SLC16A7: variants seen among roughly 807,000 people sequenced by gnomAD.
The protein encoded by SLC16A7 is solute carrier family 16 member 7.
A neutral mutation model predicts 34.9 loss-of-function variants in SLC16A7; 33 were observed. The observed-to-expected ratio is 0.94, with a 90% CI of 0.72 to 1.26. The LOEUF is 1.26. SLC16A7 is among the 50% of genes most tolerant of loss of function. The pLI, the probability that SLC16A7 is intolerant of heterozygous loss-of-function variation, is 0.00. For missense variants in SLC16A7, 573 were observed against 578.1 expected, an observed-to-expected ratio of 0.99 and a Z score of 0.09; for synonymous variants, 201 against 206.6, an observed-to-expected ratio of 0.97 and a Z score of 0.23.
intron 4 of SLC16A7, among the ~76,000 whole-genome samples, chr12:59,773,604 C>T (rs1053408818): frequency 2.7e-5 from 4 of 149,928 alleles, no homozygotes; most frequent in East Asian, 3.9e-4. Flanking sequence ...CTTGCTCTGT[C>T]GCCAGGCTGG....
intron 3 of SLC16A7, among the ~76,000 whole-genome samples, chr12:59,735,140 C>G (rs1422159213): frequency 6.6e-6 from 1 of 152,164 alleles, no homozygotes; most frequent in Non-Finnish European, 1.5e-5. Context: ...TACACCACTA[C>G]TAGGTTCCTA....
intron 1 of SLC16A7, among the ~76,000 whole-genome samples, chr12:59,634,081 C>G (rs1396310543): frequency 6.6e-6 from 1 of 152,046 alleles, no homozygotes; most frequent in East Asian, 1.9e-4. Flanking sequence ...CAGCCGGGTT[C>G]ATTATCTTGT....
intron 2 of SLC16A7, among the ~76,000 whole-genome samples, chr12:59,687,568 T>C (rs1203208288): frequency 6.6e-6 from 1 of 152,168 alleles, no homozygotes; most frequent in Non-Finnish European, 1.5e-5. Context: ...TTTTGTTTTA[T>C]GCACCCTAGC....
At chr12:59,756,439 G>A (rs1455789290) in intron 3 of SLC16A7, among the ~76,000 whole-genome samples, 2 of 151,682 alleles carry the variant, frequency 1.3e-5, no homozygotes, top group East Asian at 1.9e-4. Context: ...ATCAAAAAGT[G>A]GACGAAGGAC....
chr12:59,758,631 C>G (rs1880673044), intron 3 of SLC16A7, among the ~76,000 whole-genome samples: 1 of 151,824 alleles, frequency 6.6e-6, no homozygotes, highest in African/African-American at 2.4e-5. Flanking sequence ...TAATGATTAC[C>G]AGTTTATATG....
Position 59,702,264 on chromosome 12 carries a change from A to G in SLC16A7, c.-30-2508A>G, listed in dbSNP as rs980127177. On this transcript the variant is annotated intron_variant, in intron 2 of 5. Transcript: ENST00000547379. ...CCTTAAATATTATACATCTTCAAAG[A>G]TACTATTTCCAATGCACATGTGCTG... Among the ~76,000 whole-genome samples the G allele has an allele frequency of 3.3e-5, 5 of 152,082 alleles. No homozygotes were observed. The East Asian group carries it at 9.6e-4, about 29-fold the overall frequency.
intron 3 of SLC16A7, among the ~76,000 whole-genome samples, chr12:59,732,473 C>T (rs1020487920): frequency 6.6e-6 from 1 of 152,090 alleles, no homozygotes; most frequent in African/African-American, 2.4e-5. Context: ...CATAATGGCT[C>T]CTGAATCTTT....
chr12:59,598,683 T>C (rs1459990343), intron 1 of SLC16A7, among the ~76,000 whole-genome samples: 1 of 152,194 alleles, frequency 6.6e-6, no homozygotes. Flanking sequence ...TAATGAAGGA[T>C]TTTTCTTCAT....
In SLC16A7 at chr12:59,704,859, TG is replaced by T. The variant is rs1251182278; in HGVS notation, c.60del (p.Trp20Ter). The T allele has an allele frequency of 6.2e-7, 1 of 1,613,930 alleles. No individual in the cohort carries two copies. Among genetic ancestry groups the T allele is most frequent in the East Asian group, 2.2e-5 (1 of 44,862 alleles). On this transcript the variant is annotated frameshift_variant, in exon 3 of 6. Coordinates refer to ENST00000547379, the MANE Select transcript of SLC16A7 (RefSeq NM_001270623.2). LOFTEE classifies it high-confidence loss of function. ...VHPPPDGGWG[W>X]IVVGAAFISI... is the part of the protein sequence containing the mutation. ...TCCACCTCCAGATGGAGGATGGGGT[TG>T]GATTGTGGTTGGAGCAGCTTTTATC...
intron 2 of SLC16A7, among the ~76,000 whole-genome samples, chr12:59,673,443 C>T (rs1210976905): frequency 6.6e-6 from 1 of 150,922 alleles, no homozygotes; most frequent in African/African-American, 2.4e-5. Context: ...AGGTAGGACC[C>T]TGTGTTACTT....
At chr12:59,603,381 A>G (rs564326868) in intron 1 of SLC16A7, among the ~76,000 whole-genome samples, 2 of 152,296 alleles carry the variant, frequency 1.3e-5, no homozygotes, top group South Asian at 2.1e-4. Context: ...CACTACCATC[A>G]TACTCAACTC....
chr12:59,761,215 G>C, intron 3 of SLC16A7: 1 of 1,122,410 alleles, frequency 8.9e-7, no homozygotes, highest in Non-Finnish European at 1.2e-6. Context: ...ACATGAAACT[G>C]TATTGTTAAA....
chr12:59,767,837 G>A (rs1478503420), intron 3 of SLC16A7, among the ~76,000 whole-genome samples: 14 of 151,052 alleles, frequency 9.3e-5, no homozygotes, highest in African/African-American at 3.2e-4. Context: ...GCAAACTATC[G>A]CAAGGACAAA....
At chr12:59,617,228 A>G (rs1879493421) in intron 1 of SLC16A7, among the ~76,000 whole-genome samples, 2 of 152,024 alleles carry the variant, frequency 1.3e-5, no homozygotes, top group South Asian at 2.1e-4. Flanking sequence ...TATAAAGGCA[A>G]AATGATTCCT....
chr12:59,672,579 C>T (rs1253474210), intron 2 of SLC16A7, among the ~76,000 whole-genome samples: 1 of 151,624 alleles, frequency 6.6e-6, no homozygotes, highest in Non-Finnish European at 1.5e-5. Flanking sequence ...GGAGATGCTT[C>T]TTCTTCTTGT....
At chr12:59,766,805 G>A (rs1387745461) in intron 3 of SLC16A7, among the ~76,000 whole-genome samples, 1 of 152,132 alleles carries the variant, frequency 6.6e-6, no homozygotes, top group African/African-American at 2.4e-5. Context: ...TTTTGGTTGT[G>A]TCTCTGCCAG....
At position 59,782,080 on chromosome 12, in the gene SLC16A7, T is replaced by C. The variant is rs1883289266; in HGVS notation, c.*2401T>C. ...TTCATTCGTTATTTATTTCTAACAC[T>C]GTATTAAATTGTTAGAAAAGAAAGT... On this transcript the variant is annotated 3_prime_UTR_variant, in exon 6 of 6. Transcript: ENST00000547379. The C allele has an allele frequency of 6.6e-6, 1 of 152,196 alleles. No homozygotes were observed. Among genetic ancestry groups the C allele is most frequent in the African/African-American group, 2.4e-5 (1 of 41,450 alleles). 9.4% of individuals were successfully genotyped at this position (152,196 alleles called of 1,614,324 possible).
chr12:59,636,691 G>A (rs578061980), intron 1 of SLC16A7, among the ~76,000 whole-genome samples: 15 of 152,032 alleles, frequency 9.9e-5, no homozygotes, highest in Non-Finnish European at 1.3e-4. Flanking sequence ...TAAGGGTGGT[G>A]GACAAATTCA....
chr12:59,649,641 A>G (rs1453165382), intron 1 of SLC16A7, among the ~76,000 whole-genome samples: 1 of 152,102 alleles, frequency 6.6e-6, no homozygotes. Flanking sequence ...GGCCTTACTT[A>G]ATAGTATTTT....
Sources: allele counts gnomAD v4.1 joint callset (sites outside exome capture counted in the v4.1 genomes callset), GRCh38; gene constraint gnomAD v4.1.1; transcripts MANE v1.5; gene names NCBI Gene and HGNC (gene_info 2026-07-23, HGNC 2026-07-21).